Variants in PRKCA observed in about 807,000 individuals in gnomAD.
PRKCA encodes protein kinase C alpha.
A neutral mutation model predicts 87.0 loss-of-function variants in PRKCA; 27 were observed. The observed-to-expected ratio is 0.31, with a 90% CI of 0.23 to 0.43. PRKCA has a LOEUF of 0.43. Ranked by LOEUF, PRKCA falls within the 20% of genes least tolerant of loss-of-function variation. PRKCA has a pLI of 1.00. For missense variants in PRKCA, 518 were observed against 852.3 expected (o/e 0.61, Z 4.88); for synonymous variants, 329 against 311.1 (o/e 1.06, Z -0.61).
At chr17:66,581,248 C>T (rs996145279) in intron 3 of PRKCA, among the ~76,000 whole-genome samples, 22 of 152,230 alleles carry the variant, frequency 1.4e-4, no homozygotes, top group South Asian at 4.2e-4. Context: ...GCTTTGCAGG[C>T]GCATATGGTC....
At chr17:66,558,329 G>A (rs955466628) in intron 3 of PRKCA, among the ~76,000 whole-genome samples, 12 of 152,222 alleles carry the variant, frequency 7.9e-5, no homozygotes, top group Non-Finnish European at 1.5e-4. Flanking sequence ...TTTGTTTAAA[G>A]TCACAGTAGG....
chr17:66,488,509 C>T (rs984743883), intron 2 of PRKCA, among the ~76,000 whole-genome samples: 14 of 152,134 alleles, frequency 9.2e-5, no homozygotes, highest in Non-Finnish European at 1.8e-4. Flanking sequence ...AGCTTGGGGC[C>T]GTTCTTGACT....
intron 8 of PRKCA, among the ~76,000 whole-genome samples, chr17:66,724,680 C>T (rs1973699809): frequency 1.3e-5 from 2 of 152,228 alleles, no homozygotes; most frequent in South Asian, 2.1e-4. Context: ...CACGTTGGGC[C>T]GTGTTTGTAT....
rs560836442 is a variant in PRKCA at position 66,351,985 on chromosome 17, G to A, written c.205+45858G>A. Among the ~76,000 whole-genome samples the A allele has an allele frequency of 3.3e-5, 5 of 152,266 alleles. No homozygotes were observed. The South Asian group carries it at 6.2e-4, about 19-fold the overall frequency. On this transcript the variant is annotated intron_variant, in intron 2 of 16. Coordinates refer to ENST00000413366, the MANE Select transcript of PRKCA (RefSeq NM_002737.3). ...GGGTCTAAACTGGCAGTGTCACGTC[G>A]TGAGCATACCTCTGCCTTCAAGTTC...
chr17:66,428,273 A>G (rs1200468692), intron 2 of PRKCA, among the ~76,000 whole-genome samples: 1 of 152,156 alleles, frequency 6.6e-6, no homozygotes, highest in Non-Finnish European at 1.5e-5. Flanking sequence ...TCGAATCCAT[A>G]GGCCTTTGCA....
At chr17:66,731,344 C>T (rs1437835487) in intron 8 of PRKCA, among the ~76,000 whole-genome samples, 4 of 114,862 alleles carry the variant, frequency 3.5e-5, no homozygotes, top group African/African-American at 1.2e-4. Flanking sequence ...AGCAAAACTC[C>T]GTCTCAGAAA....
At chr17:66,637,751 G>A (rs574984073) in intron 3 of PRKCA, among the ~76,000 whole-genome samples, 166 of 152,210 alleles carry the variant, frequency 1.1e-3, no homozygotes, top group Non-Finnish European at 2.0e-3. Context: ...TAGTGTGTCC[G>A]CCAACACAAG....
At chr17:66,388,541 G>A (rs4541112) in intron 2 of PRKCA, among the ~76,000 whole-genome samples, 120,367 of 151,960 alleles carry the variant, frequency 0.79, 48,162 homozygotes, top group South Asian at 0.87. Context: ...TGATCCACCC[G>A]CCTTAGCCTC....
intron 2 of PRKCA, among the ~76,000 whole-genome samples, chr17:66,377,803 T>C (rs1189091921): frequency 6.8e-6 from 1 of 147,474 alleles, no homozygotes; most frequent in Non-Finnish European, 1.5e-5. Flanking sequence ...TTTCTTTTAA[T>C]AGAGACAGAT....
At chr17:66,465,675 C>T (rs746207002) in intron 2 of PRKCA, among the ~76,000 whole-genome samples, 32 of 151,850 alleles carry the variant, frequency 2.1e-4, no homozygotes, top group Non-Finnish European at 2.5e-4. Flanking sequence ...GTTGAGATTA[C>T]AGAGGGGAGC....
chr17:66,656,696 TC>T (rs1019923045), intron 5 of PRKCA, among the ~76,000 whole-genome samples: 2 of 152,186 alleles, frequency 1.3e-5, no homozygotes, highest in African/African-American at 4.8e-5. Context: ...AGATAAATGC[TC>T]CTTTTGTTTC....
chr17:66,593,665 T>C (rs1969883923), intron 3 of PRKCA, among the ~76,000 whole-genome samples: 1 of 152,234 alleles, frequency 6.6e-6, no homozygotes, highest in African/African-American at 2.4e-5. Flanking sequence ...ATCCATTCTT[T>C]CTGTCTAGCA....
intron 5 of PRKCA, among the ~76,000 whole-genome samples, chr17:66,646,384 T>C (rs546838954): frequency 6.6e-5 from 10 of 152,328 alleles, no homozygotes; most frequent in African/African-American, 2.2e-4. Flanking sequence ...TCAAGATGGC[T>C]TGAGTTCTCG....
At chr17:66,437,742 T>TG (rs1913483933) in intron 2 of PRKCA, among the ~76,000 whole-genome samples, 3 of 9,552 alleles carry the variant, frequency 3.1e-4, no homozygotes, top group African/African-American at 4.1e-4. Context: ...GAGCGGGGGG[T>TG]GGGTGGGGCG....
intron 3 of PRKCA, among the ~76,000 whole-genome samples, chr17:66,569,652 G>A (rs1012380497): frequency 6.6e-6 from 1 of 152,134 alleles, no homozygotes; most frequent in African/African-American, 2.4e-5. Flanking sequence ...TAAACTTCAT[G>A]AAAGAGGATA....
At chr17:66,378,001 A>G (rs1275709112) in intron 2 of PRKCA, among the ~76,000 whole-genome samples, 4 of 152,096 alleles carry the variant, frequency 2.6e-5, no homozygotes, top group Admixed American at 6.6e-5. Flanking sequence ...TGATGGGCAC[A>G]TTATATTGTA....
intron 3 of PRKCA, among the ~76,000 whole-genome samples, chr17:66,503,319 TG>T (rs1916829773): frequency 6.6e-6 from 1 of 152,190 alleles, no homozygotes; most frequent in African/African-American, 2.4e-5. Flanking sequence ...AGAATTCAGG[TG>T]ACTTCGCAGG....
intron 8 of PRKCA, among the ~76,000 whole-genome samples, chr17:66,708,043 T>G (rs1371955351): frequency 6.6e-6 from 1 of 152,066 alleles, no homozygotes; most frequent in African/African-American, 2.4e-5. Flanking sequence ...GCTCATGGTG[T>G]TGTATTTTGG....
At chr17:66,411,262 A>G (rs1220094122) in intron 2 of PRKCA, among the ~76,000 whole-genome samples, 4 of 140,416 alleles carry the variant, frequency 2.8e-5, no homozygotes, top group Non-Finnish European at 6.2e-5. Context: ...TTTTTTTAAG[A>G]TAGATTCTTT....
Sources: gnomAD v4.1 joint callset for allele counts (sites outside exome capture counted in the v4.1 genomes callset) on GRCh38, gnomAD v4.1.1 for gene constraint, MANE v1.5 for transcripts, NCBI Gene and HGNC (gene_info 2026-07-23, HGNC 2026-07-21) for gene names.